The following EEF1AKMT1 variants were observed in gnomAD, a reference collection of about 807,000 sequenced individuals.
The protein encoded by EEF1AKMT1 is EEF1A lysine methyltransferase 1.
In EEF1AKMT1, 18 loss-of-function variants were observed where a neutral mutation model predicts 21.0. The ratio of observed to expected loss-of-function variants is 0.86; its 90% CI spans 0.59 to 1.27. The LOEUF is 1.27. Ranked by LOEUF, EEF1AKMT1 falls within the 50% of genes most tolerant of loss-of-function variation. The probability of loss-of-function intolerance (pLI) is 0.00; values close to 1 mark genes in which losing one functional copy is unlikely to be tolerated. For missense variants in EEF1AKMT1, 246 were observed against 258.6 expected (o/e 0.95, Z 0.33); for synonymous variants, 109 against 94.8 (o/e 1.15, Z -0.87).
intron 2 of EEF1AKMT1, among the ~76,000 whole-genome samples, chr13:20,753,967 T>C (rs923514277): frequency 6.6e-6 from 1 of 152,196 alleles, no homozygotes; most frequent in African/African-American, 2.4e-5. Flanking sequence ...TATCATTCTA[T>C]TAATTTATTT....
At chr13:20,732,654 A>G (rs1007640814) in intron 3 of EEF1AKMT1, among the ~76,000 whole-genome samples, 1 of 152,202 alleles carries the variant, frequency 6.6e-6, no homozygotes, top group Non-Finnish European at 1.5e-5. Flanking sequence ...ATTTTGAGGT[A>G]TGAAAGGCTA....
intron 2 of EEF1AKMT1, among the ~76,000 whole-genome samples, chr13:20,750,427 T>C (rs953726912): frequency 6.6e-6 from 1 of 152,132 alleles, no homozygotes; most frequent in African/African-American, 2.4e-5. Context: ...AGCCTTCGCA[T>C]ATAAGAACAT....
rs186827912 is a variant in EEF1AKMT1 at position 20,762,420 on chromosome 13, C to T, written c.-19-4803G>A. The stretch of plus-strand genomic sequence containing the variant: ...GCCAGGCTAGTTTCGAACTCCTAAC[C>T]TCAAGTGATCCGCCCACCTCGGCCT... On this transcript the variant is annotated intron_variant, in intron 1 of 4. Coordinates refer to ENST00000382758, the MANE Select transcript of EEF1AKMT1 (RefSeq NM_001318939.2). 3.5e-3 allele frequency among the ~76,000 whole-genome samples: 531 copies of T among 151,952 alleles called. 1 individual carries two copies. Among genetic ancestry groups the T allele is most frequent in the Non-Finnish European group, 5.7e-3 (384 of 67,956 alleles).
intron 2 of EEF1AKMT1, among the ~76,000 whole-genome samples, chr13:20,755,287 G>T (rs1177419220): frequency 2.0e-5 from 3 of 152,238 alleles, no homozygotes; most frequent in Non-Finnish European, 1.5e-5. Context: ...TGCAGGGGCT[G>T]CTGGGTGTCA....
intron 2 of EEF1AKMT1, among the ~76,000 whole-genome samples, chr13:20,741,362 C>A (rs1451151774): frequency 3.3e-5 from 5 of 151,854 alleles, no homozygotes; most frequent in Admixed American, 2.6e-4. Context: ...CATAGACCAT[C>A]TTACACCCAC....
chr13:20,749,416 G>A (rs1173214288), intron 2 of EEF1AKMT1, among the ~76,000 whole-genome samples: 1 of 152,102 alleles, frequency 6.6e-6, no homozygotes, highest in African/African-American at 2.4e-5. Context: ...CCTACTATAT[G>A]CATCAGATTT....
At position 20,739,894 on chromosome 13, in the gene EEF1AKMT1, C is replaced by T. The variant is rs922876067; in HGVS notation, c.145-2089G>A. On this transcript the variant is annotated intron_variant, in intron 2 of 4. Transcript: ENST00000382758. ...CCTAGTGGATCCAGCACTGGGGCCA[C>T]AGGCAGAGCTGCCCACCAGTCCCAT... Among the ~76,000 whole-genome samples, 3 of 152,252 alleles carry T rather than the reference C, an allele frequency of 2.0e-5. 1 individual carries two copies. The highest frequency in any genetic ancestry group is 1.5e-5 in the Non-Finnish European group (1 of 68,038).
chr13:20,734,436 T>G (rs2058814823), intron 3 of EEF1AKMT1, among the ~76,000 whole-genome samples: 1 of 152,154 alleles, frequency 6.6e-6, no homozygotes, highest in African/African-American at 2.4e-5. Flanking sequence ...TCTCAGTGTC[T>G]GTCTTTAAAC....
At chr13:20,733,383 C>A (rs534838679) in intron 3 of EEF1AKMT1, among the ~76,000 whole-genome samples, 2 of 152,198 alleles carry the variant, frequency 1.3e-5, no homozygotes, top group East Asian at 3.9e-4. Context: ...TGTGAGCCAC[C>A]GTGCCTGGCC....
At chr13:20,770,731 T>A (rs937009605) in intron 1 of EEF1AKMT1, among the ~76,000 whole-genome samples, 1 of 151,972 alleles carries the variant, frequency 6.6e-6, no homozygotes. Flanking sequence ...AATCGAAGAG[T>A]ACAAGTTCCT....
chr13:20,767,344 T>C (rs2059040990), intron 1 of EEF1AKMT1, among the ~76,000 whole-genome samples: 1 of 147,084 alleles, frequency 6.8e-6, no homozygotes, highest in Non-Finnish European at 1.5e-5. Flanking sequence ...TATTTCCAGC[T>C]GGTGTCATTT....
intron 3 of EEF1AKMT1, among the ~76,000 whole-genome samples, chr13:20,735,662 T>C (rs953539108): frequency 5.3e-5 from 8 of 152,182 alleles, no homozygotes; most frequent in Non-Finnish European, 7.3e-5. Context: ...GGCTCCCAGT[T>C]TTCGAGTGCC....
intron 1 of EEF1AKMT1, among the ~76,000 whole-genome samples, chr13:20,758,873 T>C (rs1481912049): frequency 6.6e-6 from 1 of 152,140 alleles, no homozygotes; most frequent in African/African-American, 2.4e-5. Flanking sequence ...GCCACACACG[T>C]ACAATCAACT....
chr13:20,773,388 A>G (rs1208275021), intron 1 of EEF1AKMT1, among the ~76,000 whole-genome samples: 1 of 152,108 alleles, frequency 6.6e-6, no homozygotes, highest in Non-Finnish European at 1.5e-5. Context: ...CCCGCGTCCT[A>G]GTCTACTCCA....
At chr13:20,735,097 T>TGGG (rs1415705206) in intron 3 of EEF1AKMT1, among the ~76,000 whole-genome samples, 1 of 151,638 alleles carries the variant, frequency 6.6e-6, no homozygotes, top group East Asian at 1.9e-4. Flanking sequence ...AGCAGATGGG[T>TGGG]GGGTAGTGGG....
intron 1 of EEF1AKMT1, among the ~76,000 whole-genome samples, chr13:20,766,100 C>T (rs2059030032): frequency 6.6e-6 from 1 of 151,184 alleles, no homozygotes; most frequent in Non-Finnish European, 1.5e-5. Flanking sequence ...GAGTTCAAGA[C>T]CAGCCTGGCC....
chr13:20,736,438 C>T (rs2058826644), intron 3 of EEF1AKMT1, among the ~76,000 whole-genome samples: 1 of 151,956 alleles, frequency 6.6e-6, no homozygotes, highest in Admixed American at 6.6e-5. Context: ...AGGTATGCCA[C>T]CATGGTAAGG....
intron 1 of EEF1AKMT1, among the ~76,000 whole-genome samples, chr13:20,760,047 G>A (rs1429954642): frequency 6.8e-6 from 1 of 147,460 alleles, no homozygotes; most frequent in African/African-American, 2.5e-5. Context: ...GGAGCTTGCA[G>A]TGAGCTGAGA....
intron 2 of EEF1AKMT1, among the ~76,000 whole-genome samples, chr13:20,740,099 G>A (rs1055121469): frequency 4.6e-5 from 7 of 152,244 alleles, no homozygotes; most frequent in African/African-American, 1.4e-4. Flanking sequence ...GAGGGCCGGC[G>A]AGAATTCAAG....
Sources: allele counts gnomAD v4.1 joint callset (sites outside exome capture counted in the v4.1 genomes callset), GRCh38; gene constraint gnomAD v4.1.1; transcripts MANE v1.5; gene names NCBI Gene and HGNC (gene_info 2026-07-23, HGNC 2026-07-21).